Variants in CACNA1C observed in about 807,000 individuals in gnomAD.
The protein encoded by CACNA1C is calcium voltage-gated channel subunit alpha1 C, also known as voltage-dependent L-type calcium channel subunit alpha-1C.
In CACNA1C, 30 loss-of-function variants were observed where a neutral mutation model predicts 229.0. The observed-to-expected ratio is 0.13, with a 90% confidence interval of 0.10 to 0.18. The LOEUF (loss-of-function observed/expected upper bound fraction) is 0.18, where lower values mean the gene tolerates loss of function less well. CACNA1C is among the 10% of genes least tolerant of loss of function. CACNA1C has a pLI of 1.00. For missense variants in CACNA1C, 1,658 were observed against 2,845.0 expected (o/e 0.58, Z 9.49); for synonymous variants, 1,114 against 1,132.5 (o/e 0.98, Z 0.33).
At chr12:2,460,479 A>G (rs2099492793) in intron 5 of CACNA1C, among the ~76,000 whole-genome samples, 1 of 152,222 alleles carries the variant, frequency 6.6e-6, no homozygotes, top group Admixed American at 6.5e-5. Context: ...TATGGTTGAG[A>G]GCCACTCATG....
rs545400220 is a variant in CACNA1C at position 2,114,956 on chromosome 12, G to A, written c.50-268G>A. ...GAGGTCCATACGTGCTGTAATGCAC[G>A]GATCTCATCTCTTGCCCACCTAAGG... On this transcript the variant is annotated intron_variant, in intron 1 of 46. Transcript: ENST00000399655. Among the ~76,000 whole-genome samples the A allele has an allele frequency of 5.3e-5, 8 of 152,278 alleles. 1 individual carries two copies. The highest frequency in any genetic ancestry group is 6.5e-5 in the Admixed American group (1 of 15,304).
intron 9 of CACNA1C, among the ~76,000 whole-genome samples, chr12:2,513,929 G>C (rs2099790599): frequency 6.6e-6 from 1 of 152,114 alleles, no homozygotes; most frequent in Non-Finnish European, 1.5e-5. Flanking sequence ...ATCTCATTTG[G>C]CCTTGATCTC....
rs398123521 is a variant in CACNA1C at position 2,608,529 on chromosome 12, C to T, written c.3375C>T (p.Ile1125=). 6.8e-6 allele frequency: 11 copies of T among 1,611,022 alleles called. No individual in the cohort carries two copies. Among genetic ancestry groups the T allele is most frequent in the Non-Finnish European group, 8.5e-6 (10 of 1,178,522 alleles). ...EGWPELLYRS[I]DSHTEDKGPI... ...CCTGCAGGCTGCTGTACCGCTCCAT[C>T]GACTCCCACACGGAAGACAAGGGCC... Residue 1125 remains isoleucine (I), a synonymous_variant, in exon 27 of 47, where the codon ATC becomes ATT. Coordinates refer to ENST00000399655, the MANE Select transcript of CACNA1C (RefSeq NM_000719.7). The surrounding 1 kb of genome is among the most constrained non-coding windows in gnomAD (Gnocchi z 4.2).
intron 3 of CACNA1C, among the ~76,000 whole-genome samples, chr12:2,187,175 T>C (rs2097058379): frequency 6.6e-6 from 1 of 152,178 alleles, no homozygotes; most frequent in Non-Finnish European, 1.5e-5. Flanking sequence ...CATCATTCTG[T>C]GAGTGAATAT....
intron 3 of CACNA1C, among the ~76,000 whole-genome samples, chr12:2,331,043 A>G (rs143850120): frequency 2.7e-4 from 41 of 152,356 alleles, no homozygotes; most frequent in African/African-American, 9.9e-4. Flanking sequence ...CCACGAATGT[A>G]GTATTTTTCC....
At chr12:2,297,291 C>G (rs1398481306) in intron 3 of CACNA1C, among the ~76,000 whole-genome samples, 1 of 152,182 alleles carries the variant, frequency 6.6e-6, no homozygotes, top group Non-Finnish European at 1.5e-5. Context: ...CATTTAAAGG[C>G]TGATTGTTTT....
At chr12:2,222,089 A>G (rs2061608677) in intron 3 of CACNA1C, 1 of 152,228 alleles carries the variant, frequency 6.6e-6, no homozygotes, top group South Asian at 2.1e-4. Flanking sequence ...AAAATTACAA[A>G]TTATTTTATT....
rs1021320370 is a variant in CACNA1C, at chr12:2,630,379, C to T, written c.3829-3918C>T. ...GATGAGACAGCATCAAGCCCTTCCA[C>T]TCCCGAGAGTGTTGGGAAAAGTATT... On this transcript the variant is annotated intron_variant, in intron 29 of 46. Transcript: ENST00000399655. The surrounding 1 kb of genome is among the most constrained non-coding windows in gnomAD (Gnocchi z 5.4). Among the ~76,000 whole-genome samples the T allele has an allele frequency of 6.6e-6, 1 of 152,154 alleles. No homozygotes were observed. Among genetic ancestry groups the T allele is most frequent in the African/African-American group, 2.4e-5 (1 of 41,416 alleles).
intron 29 of CACNA1C, among the ~76,000 whole-genome samples, chr12:2,620,873 A>C (rs2283329): frequency 6.6e-6 from 1 of 152,228 alleles, no homozygotes; most frequent in Non-Finnish European, 1.5e-5. Context: ...AGTTTGATGC[A>C]TGCATGCATG....
chr12:2,399,673 G>C (rs2098648879), intron 3 of CACNA1C, among the ~76,000 whole-genome samples: 1 of 152,230 alleles, frequency 6.6e-6, no homozygotes, highest in Non-Finnish European at 1.5e-5. Context: ...ATGGGAGCAT[G>C]GTGAGCCAAA....
At chr12:2,158,098 A>G (rs1267457788) in intron 3 of CACNA1C, among the ~76,000 whole-genome samples, 1 of 152,208 alleles carries the variant, frequency 6.6e-6, no homozygotes, top group Non-Finnish European at 1.5e-5. Flanking sequence ...AGTTCCAGAA[A>G]GAGATAACTA....
intron 12 of CACNA1C, among the ~76,000 whole-genome samples, chr12:2,567,182 G>A (rs1332007340): frequency 5.9e-5 from 9 of 152,210 alleles, no homozygotes; most frequent in Middle Eastern, 3.2e-3. Flanking sequence ...GTCTAGTGGC[G>A]GAGAAGTCAG....
intron 3 of CACNA1C, among the ~76,000 whole-genome samples, chr12:2,232,200 A>G (rs575946668): frequency 1.2e-4 from 18 of 145,284 alleles, no homozygotes; most frequent in Non-Finnish European, 2.5e-4. Flanking sequence ...GTCTCATCCA[A>G]GTGGTGGTAG....
At position 2,646,980 on chromosome 12, in the gene CACNA1C, CCTTT is replaced by C. The variant is rs1418163215; in HGVS notation, c.3913-1488_3913-1485del. Among the ~76,000 whole-genome samples, 1 of 151,872 alleles carries C rather than the reference CCTTT, an allele frequency of 6.6e-6. No individual in the cohort carries two copies. The highest frequency in any genetic ancestry group is 1.5e-5 in the Non-Finnish European group (1 of 67,976). ...GTTCTGTAAAGCCTAGAGAAGTGTC[CCTTT>C]CTTTCTCCTCCCTCACCTCACCCTA... On this transcript the variant is annotated intron_variant, in intron 30 of 46. Coordinates refer to ENST00000399655, the MANE Select transcript of CACNA1C (RefSeq NM_000719.7). This position sits in a 1 kb window ranked among gnomAD's most constrained non-coding sequence, Gnocchi z 4.6.
chr12:2,341,751 G>A (rs927630599), intron 3 of CACNA1C, among the ~76,000 whole-genome samples: 4 of 152,304 alleles, frequency 2.6e-5, no homozygotes, highest in South Asian at 2.1e-4. Flanking sequence ...CACGTGTGAC[G>A]GACCCTCATT....
At chr12:2,555,228 G>A (rs2043466667) in intron 10 of CACNA1C, among the ~76,000 whole-genome samples, 1 of 152,212 alleles carries the variant, frequency 6.6e-6, no homozygotes, top group African/African-American at 2.4e-5. Context: ...TTTCCCCAGA[G>A]GGGAGCTTTT....
At chr12:2,418,514 G>A (rs959604182) in intron 3 of CACNA1C, among the ~76,000 whole-genome samples, 2 of 152,196 alleles carry the variant, frequency 1.3e-5, no homozygotes, top group Admixed American at 1.3e-4. Context: ...TTAGGCCAGA[G>A]CCCTGTGGAG....
intron 3 of CACNA1C, among the ~76,000 whole-genome samples, chr12:2,281,011 TG>T (rs762494628): frequency 4.6e-5 from 7 of 152,166 alleles, no homozygotes; most frequent in Non-Finnish European, 7.4e-5. Flanking sequence ...GTGCACAACG[TG>T]CAGGTTAGTT....
rs1313405403 is a variant in CACNA1C at position 2,678,050 on chromosome 12, C to G, written c.5091+183C>G. On this transcript the variant is annotated intron_variant, in intron 41 of 46. Coordinates refer to ENST00000399655, the MANE Select transcript of CACNA1C (RefSeq NM_000719.7). This position sits in a 1 kb window ranked among gnomAD's most constrained non-coding sequence, Gnocchi z 4.1. ...GCCTTTTCCAAGCCTGACTCCATCC[C>G]AAGGCAGGGCTCCCTGGAAACAGCA... Among the ~76,000 whole-genome samples, 2 of 152,176 alleles carry G rather than the reference C, an allele frequency of 1.3e-5. No homozygotes were observed. Among genetic ancestry groups the G allele is most frequent in the Non-Finnish European group, 2.9e-5 (2 of 68,016 alleles).
Sources: gnomAD v4.1 joint callset for allele counts (sites outside exome capture counted in the v4.1 genomes callset) on GRCh38, gnomAD v4.1.1 for gene constraint, Gnocchi (gnomAD v3.1) non-coding constraint, MANE v1.5 for transcripts, NCBI Gene and HGNC (gene_info 2026-07-23, HGNC 2026-07-21) for gene names.